CEP152: variants seen among roughly 807,000 people sequenced by gnomAD.
CEP152 encodes centrosomal protein 152.
CEP152 carries 132 observed loss-of-function variants against 188.9 expected under a neutral mutation model. That is an observed-to-expected ratio of 0.70 (90% CI 0.61 to 0.81). CEP152 has a LOEUF of 0.81. CEP152 is among the 30% of genes least tolerant of loss of function. The pLI is 0.00. For missense variants in CEP152, 1,914 were observed against 1,969.8 expected (o/e 0.97, Z 0.54); for synonymous variants, 649 against 666.6 (o/e 0.97, Z 0.41).
chr15:48,767,411 C>G lies in CEP152; in HGVS notation c.2071G>C (p.Glu691Gln). ...HHEAMKTQIRESLLAKHALEK... is the reference protein window; with the variant it reads ...HHEAMKTQIRQSLLAKHALEK... ...AAAGCATGCTTTGCTAATAGGCTTT[C>G]ACGTATTTGAGTTTTCATGGCTTCA... Residue 691 changes from glutamate (E) to glutamine (Q), a missense_variant, in exon 16 of 27, where the codon GAA becomes CAA. Physicochemically the swap from Glu to Gln is conservative, Grantham distance 29 (BLOSUM62 2). Coordinates refer to ENST00000380950, the MANE Select transcript of CEP152 (RefSeq NM_001194998.2). 6.2e-7 allele frequency: 1 copy of G among 1,614,158 alleles called. No individual in the cohort carries two copies. The highest frequency in any genetic ancestry group is 8.5e-7 in the Non-Finnish European group (1 of 1,180,018).
At chr15:48,743,603 C>T (rs2140577322) in intron 24 of CEP152, among the ~76,000 whole-genome samples, 1 of 152,280 alleles carries the variant, frequency 6.6e-6, no homozygotes, top group East Asian at 1.9e-4. Flanking sequence ...TGGCTCACGC[C>T]CGTAATCCCA....
intron 2 of CEP152, among the ~76,000 whole-genome samples, chr15:48,803,472 A>G (rs1392536443): frequency 6.6e-6 from 1 of 152,186 alleles, no homozygotes; most frequent in East Asian, 1.9e-4. Context: ...CTCTCATCTC[A>G]CTTTTTCCCT....
At chr15:48,751,371 C>CA (rs1893860945) in intron 21 of CEP152, among the ~76,000 whole-genome samples, 1 of 151,962 alleles carries the variant, frequency 6.6e-6, no homozygotes, top group South Asian at 2.1e-4. Flanking sequence ...AAGTACAATG[C>CA]AAAATACAAA....
chr15:48,746,959 A>G (rs1305273966), intron 22 of CEP152, among the ~76,000 whole-genome samples: 47 of 152,214 alleles, frequency 3.1e-4, no homozygotes, highest in Non-Finnish European at 4.4e-5. Context: ...AATGAAATCC[A>G]TGCTATGGCT....
intron 2 of CEP152, among the ~76,000 whole-genome samples, chr15:48,799,123 A>G (rs951852934): frequency 6.6e-6 from 1 of 152,070 alleles, no homozygotes; most frequent in African/African-American, 2.4e-5. Context: ...GTGCAAGTGG[A>G]TTTTAAAGAC....
chr15:48,778,371 A>G (rs1329051155), intron 12 of CEP152, among the ~76,000 whole-genome samples: 1 of 152,174 alleles, frequency 6.6e-6, no homozygotes, highest in Non-Finnish European at 1.5e-5. Context: ...AAAGAGACAA[A>G]TATCTTCTCT....
At position 48,791,386 on chromosome 15, in the gene CEP152, T is replaced by TA; in HGVS notation, c.833-11dup. The TA allele has an allele frequency of 6.2e-7, 1 of 1,607,496 alleles. No individual in the cohort carries two copies. The highest frequency in any genetic ancestry group is 8.5e-7 in the Non-Finnish European group (1 of 1,176,954). On this transcript the variant is annotated splice_polypyrimidine_tract_variant and intron_variant, in intron 7 of 26. Transcript: ENST00000380950. ...AAACCATCCTTTTCATCTACGGTAT[T>TA]AAAAATGTTTATATAAATAATGTTC...
intron 21 of CEP152, among the ~76,000 whole-genome samples, 153 bp from the exon 22 acceptor site, chr15:48,748,763 T>C (rs1893666046): frequency 6.6e-6 from 1 of 151,248 alleles, no homozygotes; most frequent in African/African-American, 2.4e-5. Context: ...TAGAGAGACA[T>C]GGGTTTACAT....
intron 23 of CEP152, among the ~76,000 whole-genome samples, chr15:48,744,648 T>C (rs1159781561): frequency 6.6e-6 from 1 of 152,126 alleles, no homozygotes; most frequent in Non-Finnish European, 1.5e-5. Flanking sequence ...TAAAAAGTTA[T>C]AAAATACCTT....
In CEP152 at chr15:48,738,390, A is replaced by G; in HGVS notation, c.4992T>C (p.Ala1664=). 1 of 1,614,186 alleles carries G rather than the reference A, an allele frequency of 6.2e-7. No individual in the cohort carries two copies. The highest frequency in any genetic ancestry group is 8.5e-7 in the Non-Finnish European group (1 of 1,180,016). The change falls in exon 27 of 27, where the codon GCT becomes GCC. Residue 1664 remains alanine (A), a synonymous_variant. Coordinates refer to ENST00000380950, the MANE Select transcript of CEP152 (RefSeq NM_001194998.2). ...TTTTGAAATCTGACTTTAATCTATC[A>G]GCCTTATGACGAGATGGGTGTCCAC... The part of the protein sequence containing the change: ...VNCGHPSRHK[A]DRLKSDFKKL...
intron 22 of CEP152, among the ~76,000 whole-genome samples, chr15:48,748,052 C>T (rs980111427): frequency 6.6e-5 from 10 of 152,118 alleles, no homozygotes; most frequent in African/African-American, 2.2e-4. Context: ...CAGCATTCAA[C>T]GTTTAATTAT....
intron 7 of CEP152, among the ~76,000 whole-genome samples, chr15:48,792,003 C>T (rs948334289): frequency 6.6e-6 from 1 of 151,814 alleles, no homozygotes; most frequent in Non-Finnish European, 1.5e-5. Context: ...GCAATGAACT[C>T]TTTTTTTTGA....
chr15:48,786,613 G>C (rs1259903449), intron 9 of CEP152, among the ~76,000 whole-genome samples: 1 of 152,088 alleles, frequency 6.6e-6, no homozygotes, highest in Non-Finnish European at 1.5e-5. Context: ...AGGCGCTTTG[G>C]AATCACCACT....
chr15:48,773,536 G>C (rs2140795320), intron 12 of CEP152: 1 of 152,296 alleles, frequency 6.6e-6, no homozygotes, highest in South Asian at 2.1e-4. Flanking sequence ...AGAAATACTG[G>C]GGAAAAAGAA....
chr15:48,749,019 C>T (rs1015908889), intron 21 of CEP152, among the ~76,000 whole-genome samples: 6 of 152,038 alleles, frequency 3.9e-5, no homozygotes, highest in African/African-American at 1.4e-4. Flanking sequence ...TAAGAAAGTA[C>T]TCAAAAATAC....
At chr15:48,733,418 C>A (rs1169617190), downstream of CEP152, among the ~76,000 whole-genome samples, 1 of 152,114 alleles carries the variant, frequency 6.6e-6, no homozygotes, top group Non-Finnish European at 1.5e-5. Context: ...ATAGGCTAAA[C>A]AGCAGAATTG....
intron 9 of CEP152, among the ~76,000 whole-genome samples, chr15:48,786,839 G>T (rs571615602): frequency 6.6e-6 from 1 of 152,256 alleles, no homozygotes; most frequent in Admixed American, 6.5e-5. Flanking sequence ...TATTGAAGGG[G>T]GTGGGGCAGT....
chr15:48,773,872 T>C (rs1341069268), intron 12 of CEP152, among the ~76,000 whole-genome samples: 1 of 152,054 alleles, frequency 6.6e-6, no homozygotes, highest in Non-Finnish European at 1.5e-5. Flanking sequence ...AAATTCAAAA[T>C]GTCTAGCATT....
At chr15:48,732,143 GA>G (rs761117685) in intron 2 of CEP152, among the ~76,000 whole-genome samples, 19 of 152,286 alleles carry the variant, frequency 1.2e-4, no homozygotes, top group Non-Finnish European at 2.2e-4. Flanking sequence ...CAAGGATCTG[GA>G]AACAGAAATA....
Sources: gnomAD v4.1 joint callset for allele counts (sites outside exome capture counted in the v4.1 genomes callset) on GRCh38, gnomAD v4.1.1 for gene constraint, MANE v1.5 for transcripts, NCBI Gene and HGNC (gene_info 2026-07-23, HGNC 2026-07-21) for gene names.